The following NRG1 variants were observed in gnomAD, a reference collection of about 807,000 sequenced individuals.
NRG1 encodes neuregulin 1, also known as pro-neuregulin-1, membrane-bound isoform.
In NRG1, 18 loss-of-function variants were observed where a neutral mutation model predicts 63.8. The ratio of observed to expected loss-of-function variants is 0.28; its 90% CI spans 0.19 to 0.42. The LOEUF (loss-of-function observed/expected upper bound fraction) is 0.42. Among genes scored for constraint, NRG1 ranks in the 10% least tolerant of loss-of-function variants. The pLI is 1.00. For synonymous variants in NRG1, 302 were observed against 301.3 expected (o/e 1.00, Z -0.02); for missense variants, 762 against 814.7 (o/e 0.94, Z 0.79).
intron 6 of NRG1, among the ~76,000 whole-genome samples, chr8:32,730,600 A>G (rs569703099): frequency 2.0e-5 from 3 of 152,352 alleles, no homozygotes; most frequent in East Asian, 3.9e-4. Context: ...ATTCAAATCT[A>G]TATGCTTGCA....
chr8:31,870,798 T>C (rs982485159), intron 1 of NRG1, among the ~76,000 whole-genome samples: 1 of 152,172 alleles, frequency 6.6e-6, no homozygotes, highest in African/African-American at 2.4e-5. Context: ...TGCTAGGCAT[T>C]CTTTTACTAA....
At chr8:31,718,396 G>A (rs1024831264) in intron 1 of NRG1, among the ~76,000 whole-genome samples, 1 of 152,108 alleles carries the variant, frequency 6.6e-6, no homozygotes, top group Admixed American at 6.6e-5. Flanking sequence ...ATCCTTTAAT[G>A]CACTCAGTCA....
rs373126701 is a variant in NRG1 at position 32,235,184 on chromosome 8, A to G, written c.38-360644A>G. On this transcript the variant is annotated intron_variant, in intron 1 of 10. Coordinates refer to the NRG1 transcript ENST00000519301. The stretch of plus-strand genomic sequence containing the variant: ...CAAGGCAGGAGGATTGCTTGAGCCT[A>G]GGAGTTTGAGACCAGCCTGGGCAAT... Among the ~76,000 whole-genome samples, 6 of 132,774 alleles carry G rather than the reference A, an allele frequency of 4.5e-5. No homozygotes were observed. The East Asian group carries it at 1.2e-3, about 27-fold the overall frequency. The allele number at this position is 132,774 out of a possible 152,430, so 87.1% of individuals were successfully genotyped here.
chr8:32,366,669 G>GTATA, intron 1 of NRG1, among the ~76,000 whole-genome samples: 1 of 64,080 alleles, frequency 1.6e-5, no homozygotes, highest in South Asian at 5.7e-4. Flanking sequence ...GTGTGTGTGT[G>GTATA]TGTGTGTGTA....
At chr8:32,089,356 T>C (rs1828757631) in intron 1 of NRG1, among the ~76,000 whole-genome samples, 1 of 152,246 alleles carries the variant, frequency 6.6e-6, no homozygotes, top group Non-Finnish European at 1.5e-5. Flanking sequence ...AGAAACAATA[T>C]GTTTAACAGG....
chr8:32,246,685 A>G (rs1303226453), intron 1 of NRG1, among the ~76,000 whole-genome samples: 1 of 152,172 alleles, frequency 6.6e-6, no homozygotes, highest in Non-Finnish European at 1.5e-5. Flanking sequence ...GTTTATCACA[A>G]GAATCTCCAT....
chr8:31,813,756 G>T (rs117673074), intron 1 of NRG1, among the ~76,000 whole-genome samples: 2 of 151,736 alleles, frequency 1.3e-5, no homozygotes, highest in South Asian at 4.2e-4. Flanking sequence ...CGAACTCCTC[G>T]GCTCAAGTGA....
intron 1 of NRG1, among the ~76,000 whole-genome samples, chr8:31,682,808 A>G (rs531291482): frequency 4.6e-5 from 7 of 152,194 alleles, no homozygotes; most frequent in Non-Finnish European, 1.0e-4. Flanking sequence ...TGCTCAAAAC[A>G]TACAAGCTAA....
intron 1 of NRG1, among the ~76,000 whole-genome samples, chr8:31,939,767 T>C (rs1054608202): frequency 6.6e-6 from 1 of 151,316 alleles, no homozygotes; most frequent in African/African-American, 2.4e-5. Context: ...GGAATAGCTA[T>C]TCTTATATCA....
Position 32,741,662 on chromosome 8 carries a change from T to C in NRG1, c.633-1013T>C, listed in dbSNP as rs542925345. Among the ~76,000 whole-genome samples the C allele has an allele frequency of 5.3e-5, 8 of 152,274 alleles. No individual in the cohort carries two copies. The South Asian group carries it at 1.7e-3, about 32-fold the overall frequency. On this transcript the variant is annotated intron_variant, in intron 6 of 11. Transcript: ENST00000356819. ...TCATGTTAGCGCTTATCAAAACCAG[T>C]GTTTCAACATAGTGAGAATCAATGA...
intron 1 of NRG1, among the ~76,000 whole-genome samples, chr8:31,755,515 C>T (rs1236083526): frequency 6.6e-6 from 1 of 152,100 alleles, no homozygotes; most frequent in Non-Finnish European, 1.5e-5. Flanking sequence ...TCAAGTTTCA[C>T]TCACATGCCA....
intron 1 of NRG1, among the ~76,000 whole-genome samples, chr8:31,785,284 T>C (rs1420655661): frequency 2.0e-5 from 3 of 152,100 alleles, no homozygotes; most frequent in African/African-American, 7.2e-5. Flanking sequence ...GGATTGGCAG[T>C]TGAAGCATTC....
chr8:32,087,075 A>G (rs1828335191), intron 1 of NRG1, among the ~76,000 whole-genome samples: 1 of 151,630 alleles, frequency 6.6e-6, no homozygotes, highest in Admixed American at 6.6e-5. Flanking sequence ...CATTCATTTT[A>G]CTCTCTGCTT....
intron 6 of NRG1, among the ~76,000 whole-genome samples, chr8:32,740,481 G>A (rs142662342): frequency 1.1e-4 from 17 of 152,270 alleles, no homozygotes; most frequent in African/African-American, 3.1e-4. Flanking sequence ...ACAGGCATGA[G>A]CCACTGCGCC....
At chr8:32,282,114 T>C (rs556764197) in intron 1 of NRG1, among the ~76,000 whole-genome samples, 4 of 152,274 alleles carry the variant, frequency 2.6e-5, no homozygotes, top group East Asian at 1.9e-4. Flanking sequence ...GGTATAGGAA[T>C]GTAAAAAGCT....
rs368511612 is a variant in NRG1 at position 32,286,170 on chromosome 8, G to A, written c.38-309658G>A. Among the ~76,000 whole-genome samples, 21 of 152,180 alleles carry A rather than the reference G, an allele frequency of 1.4e-4. No individual in the cohort carries two copies. In the East Asian group the frequency reaches 1.9e-3, roughly 14 times the overall value. The stretch of plus-strand genomic sequence containing the variant: ...GCATCTTCAATATTTACATTGGCCC[G>A]TTGAGTTTTATCAGCTGGATATTGC... On this transcript the variant is annotated intron_variant, in intron 1 of 10. Transcript: ENST00000519301.
At chr8:32,180,727 T>C (rs1008801156) in intron 1 of NRG1, among the ~76,000 whole-genome samples, 2 of 152,198 alleles carry the variant, frequency 1.3e-5, no homozygotes, top group African/African-American at 2.4e-5. Flanking sequence ...AATTAACATA[T>C]GCATTAGCTC....
intron 1 of NRG1, among the ~76,000 whole-genome samples, chr8:31,918,915 C>T (rs547472188): frequency 7.4e-4 from 113 of 152,240 alleles, no homozygotes; most frequent in African/African-American, 2.5e-3. Flanking sequence ...TCAACTTCCT[C>T]CTGGTTTAGT....
intron 1 of NRG1, among the ~76,000 whole-genome samples, chr8:32,138,411 A>T (rs1033811980): frequency 1.3e-5 from 2 of 151,830 alleles, no homozygotes; most frequent in Non-Finnish European, 2.9e-5. Context: ...CACAAGTTTT[A>T]GGATTTCATG....
Sources: gnomAD v4.1 joint callset for allele counts (sites outside exome capture counted in the v4.1 genomes callset) on GRCh38, gnomAD v4.1.1 for gene constraint, MANE v1.5 for transcripts, NCBI Gene and HGNC (gene_info 2026-07-23, HGNC 2026-07-21) for gene names.